The following FGD4 variants were observed in gnomAD, a reference collection of about 807,000 sequenced individuals.
FGD4 encodes the protein FYVE, RhoGEF and PH domain-containing protein 4.
Under a neutral mutation model 102.0 loss-of-function variants are expected in FGD4, and 42 were observed. The ratio of observed to expected loss-of-function variants is 0.41; its 90% CI spans 0.32 to 0.53. The LOEUF (loss-of-function observed/expected upper bound fraction) is 0.53, where lower values mean the gene tolerates loss of function less well. Ranked by LOEUF, FGD4 falls within the 20% of genes least tolerant of loss-of-function variation. The pLI is 0.21. For synonymous variants in FGD4, 380 were observed against 375.7 expected, an observed-to-expected ratio of 1.01 and a Z score of -0.13; for missense variants, 902 against 1,078.2, an observed-to-expected ratio of 0.84 and a Z score of 2.29.
At chr12:32,447,263 C>G (rs995351582) in intron 1 of FGD4, among the ~76,000 whole-genome samples, 1 of 152,112 alleles carries the variant, frequency 6.6e-6, no homozygotes, top group African/African-American at 2.4e-5. Context: ...GAAAATAAAA[C>G]CCTTGCTTGT....
Position 32,399,767 on chromosome 12 carries a change from C to T in FGD4, c.-27C>T. On this transcript the variant is annotated 5_prime_UTR_variant, in exon 1 of 17. Coordinates refer to ENST00000534526, the MANE Select transcript of FGD4 (RefSeq NM_001370298.3). Reference sequence around the variant, plus strand: ...GCGGCTGGACGGGAGCGGGAGGAGTCGGGGAGCGGCGGTCGAGCCCGGCAG... The same window carrying T: ...GCGGCTGGACGGGAGCGGGAGGAGTTGGGGAGCGGCGGTCGAGCCCGGCAG... 1 of 1,527,152 alleles carries T rather than the reference C, an allele frequency of 6.5e-7. No homozygotes were observed. Among genetic ancestry groups the T allele is most frequent in the Non-Finnish European group, 8.7e-7 (1 of 1,144,034 alleles). 94.6% of individuals were successfully genotyped at this position (1,527,152 alleles called of 1,614,324 possible). A position where few individuals can be genotyped will look rare whatever the true frequency, so the allele number is the denominator to read the frequency against.
In FGD4 at chr12:32,525,890, G is replaced by A. The variant is rs527353539; in HGVS notation, c.167-38247G>A. Among the ~76,000 whole-genome samples, 320 of 152,360 alleles carry A rather than the reference G, an allele frequency of 2.1e-3. 1 individual carries two copies. The highest frequency in any genetic ancestry group is 7.4e-3 in the African/African-American group (306 of 41,588). ...CCGGTGCTGCGCTCGATTTCTCACC[G>A]GGCCTTAGCTGCCTTCCCACGGGGC... is the stretch of plus-strand genomic sequence containing the variant. On this transcript the variant is annotated intron_variant, in intron 1 of 16. Transcript: ENST00000534526.
In FGD4 at chr12:32,601,758, G is replaced by GT. The variant is rs1437223217; in HGVS notation, c.1247+336dup. On this transcript the variant is annotated intron_variant, in intron 6 of 16. Coordinates refer to ENST00000534526, the MANE Select transcript of FGD4 (RefSeq NM_001370298.3). ...CGGTGAATGAGATAAAGCACAGGAT[G>GT]TATGTAGAATGTGATTACTTCCTCT... Among the ~76,000 whole-genome samples the GT allele has an allele frequency of 1.2e-4, 18 of 152,314 alleles. No individual in the cohort carries two copies. In the Middle Eastern group the frequency reaches 0.014, roughly 115 times the overall value.
At chr12:32,578,996 T>C (rs115150639) in intron 3 of FGD4, among the ~76,000 whole-genome samples, 1,753 of 151,024 alleles carry the variant, frequency 0.012, 39 homozygotes, top group African/African-American at 0.041. Context: ...CACTTTAAGA[T>C]TTTAGAAATA....
chr12:32,467,199 G>A (rs1943279156), intron 1 of FGD4, among the ~76,000 whole-genome samples: 1 of 152,120 alleles, frequency 6.6e-6, no homozygotes, highest in South Asian at 2.1e-4. Context: ...ATTGTCACCT[G>A]TCATGAGGAT....
intron 1 of FGD4, among the ~76,000 whole-genome samples, chr12:32,411,563 C>T (rs547266741): frequency 6.6e-6 from 1 of 151,176 alleles, no homozygotes; most frequent in South Asian, 2.1e-4. Flanking sequence ...CAAACACATG[C>T]TAGGAGGTGA....
intron 15 of FGD4, among the ~76,000 whole-genome samples, chr12:32,636,497 C>T (rs1162150457): frequency 2.0e-5 from 3 of 151,124 alleles, no homozygotes; most frequent in African/African-American, 7.3e-5. Flanking sequence ...TGAACCATTG[C>T]ACTCCAGCCT....
At chr12:32,497,903 C>G (rs1336805117) in intron 1 of FGD4, among the ~76,000 whole-genome samples, 1 of 152,168 alleles carries the variant, frequency 6.6e-6, no homozygotes, top group Non-Finnish European at 1.5e-5. Context: ...TTTGCTACTT[C>G]AGCCTTTTTT....
In FGD4 at chr12:32,481,960, A is replaced by G. The variant is rs562028408; in HGVS notation, c.166+82001A>G. Among the ~76,000 whole-genome samples the G allele has an allele frequency of 5.6e-4, 85 of 152,360 alleles. 1 individual carries two copies. In the South Asian group the frequency reaches 7.0e-3, roughly 13 times the overall value. On this transcript the variant is annotated intron_variant, in intron 1 of 16. Transcript: ENST00000534526. ...CATTTTCATTATTGCATAAAGTTCA[A>G]TTGGGCAGTCTGCTTTAAATAAAAC...
At chr12:32,450,832 T>C (rs1942753572) in intron 1 of FGD4, among the ~76,000 whole-genome samples, 1 of 152,216 alleles carries the variant, frequency 6.6e-6, no homozygotes, top group South Asian at 2.1e-4. Flanking sequence ...ATTTGTAACT[T>C]CTTTTCCTGA....
chr12:32,503,314 C>T (rs1938396221), intron 1 of FGD4, among the ~76,000 whole-genome samples: 1 of 152,174 alleles, frequency 6.6e-6, no homozygotes, highest in South Asian at 2.1e-4. Context: ...AAAGCCTTGG[C>T]TCATGCAGGT....
chr12:32,474,444 A>G (rs1190708560), intron 1 of FGD4, among the ~76,000 whole-genome samples: 1 of 152,222 alleles, frequency 6.6e-6, no homozygotes, highest in South Asian at 2.1e-4. Flanking sequence ...TACCTACAAC[A>G]TGGATGAATC....
chr12:32,444,531 A>C (rs1422525361), intron 1 of FGD4, among the ~76,000 whole-genome samples: 2 of 151,894 alleles, frequency 1.3e-5, no homozygotes, highest in Non-Finnish European at 2.9e-5. Context: ...CAGCCTCCCG[A>C]GTAACTGGGA....
intron 4 of FGD4, among the ~76,000 whole-genome samples, chr12:32,595,029 T>TG (rs1168534127): frequency 8.6e-4 from 115 of 133,444 alleles, no homozygotes; most frequent in Non-Finnish European, 1.5e-3. Flanking sequence ...AGACTCCGTC[T>TG]AAAAAAAAAA....
At chr12:32,459,757 G>A (rs1426259862) in intron 1 of FGD4, among the ~76,000 whole-genome samples, 1 of 151,518 alleles carries the variant, frequency 6.6e-6, no homozygotes, top group Non-Finnish European at 1.5e-5. Flanking sequence ...TGGAGTGCAT[G>A]GCATGATGAC....
At chr12:32,502,066 ACC>A in intron 1 of FGD4, 2 of 985,452 alleles carry the variant, frequency 2.0e-6, no homozygotes, top group Non-Finnish European at 2.4e-6. Flanking sequence ...AGCGATTGTT[ACC>A]CAATAAGCAG....
At chr12:32,576,224 CA>C (rs1405864668) in intron 2 of FGD4, 41 bp from the exon 3 acceptor site, 2 of 1,539,584 alleles carry the variant, frequency 1.3e-6, no homozygotes, top group Non-Finnish European at 1.8e-6. Context: ...TGTTATTGAA[CA>C]AAATATCAGT....
chr12:32,516,940 G>A (rs959510199), intron 1 of FGD4, among the ~76,000 whole-genome samples: 5 of 152,118 alleles, frequency 3.3e-5, no homozygotes, highest in African/African-American at 9.7e-5. Flanking sequence ...ATATCACTCC[G>A]TAATACTGTA....
Position 32,399,741 on chromosome 12 carries a change from C to G in FGD4, c.-53C>G. ...CAGGCGACGCCCCCCAGGGGCCGCT[C>G]GCGGCTGGACGGGAGCGGGAGGAGT... On this transcript the variant is annotated 5_prime_UTR_variant, in exon 1 of 17. Coordinates refer to ENST00000534526, the MANE Select transcript of FGD4 (RefSeq NM_001370298.3). 2.0e-6 allele frequency: 3 copies of G among 1,515,206 alleles called. No individual in the cohort carries two copies. The highest frequency in any genetic ancestry group is 2.6e-6 in the Non-Finnish European group (3 of 1,139,386). 93.9% of individuals were successfully genotyped at this position (1,515,206 alleles called of 1,614,324 possible). A position where few individuals can be genotyped will look rare whatever the true frequency, so the allele number is the denominator to read the frequency against.
Sources: allele counts gnomAD v4.1 joint callset (sites outside exome capture counted in the v4.1 genomes callset), GRCh38; gene constraint gnomAD v4.1.1; transcripts MANE v1.5; gene names NCBI Gene and HGNC (gene_info 2026-07-23, HGNC 2026-07-21).